ESRRG: variants seen among roughly 807,000 people sequenced by gnomAD.
ESRRG encodes estrogen related receptor gamma.
A neutral mutation model predicts 44.0 loss-of-function variants in ESRRG; 13 were observed. The observed-to-expected ratio is 0.30, with a 90% CI of 0.19 to 0.47. The LOEUF (loss-of-function observed/expected upper bound fraction) is 0.47, where lower values mean the gene tolerates loss of function less well. Among genes scored for constraint, ESRRG ranks in the 20% least tolerant of loss-of-function variants. The pLI is 1.00. For missense variants in ESRRG, 395 were observed against 580.6 expected, an observed-to-expected ratio of 0.68 and a Z score of 3.29; for synonymous variants, 215 against 214.6, an observed-to-expected ratio of 1.00 and a Z score of -0.02.
rs1471990750 is a variant in ESRRG, at chr1:216,505,246, A to G, written c.*1693T>C. The G allele has an allele frequency of 6.6e-6, 1 of 152,600 alleles. No individual in the cohort carries two copies. Among genetic ancestry groups the G allele is most frequent in the Non-Finnish European group, 1.5e-5 (1 of 68,034 alleles). 9.5% of individuals were successfully genotyped at this position (152,600 alleles called of 1,614,324 possible). The stretch of plus-strand genomic sequence containing the variant: ...ATTCAGCGACTGTAGATTTCGGGGC[A>G]TCTAATTGATTTCTTCATTAGATTA... On this transcript the variant is annotated 3_prime_UTR_variant, in exon 7 of 7. Coordinates refer to ENST00000408911, the MANE Select transcript of ESRRG (RefSeq NM_001438.4).
chr1:216,791,082 A>G (rs2148079156), intron 2 of ESRRG, among the ~76,000 whole-genome samples: 1 of 152,324 alleles, frequency 6.6e-6, no homozygotes, highest in South Asian at 2.1e-4. Flanking sequence ...TGAACTCTGT[A>G]TCACAGAGAA....
chr1:216,710,830 C>CT (rs796091320), intron 1 of ESRRG, among the ~76,000 whole-genome samples: 4 of 152,014 alleles, frequency 2.6e-5, no homozygotes, highest in African/African-American at 7.2e-5. Flanking sequence ...GGAATGATTT[C>CT]TTTTTTGATC....
At chr1:216,601,384 A>G (rs2059232909) in intron 3 of ESRRG, among the ~76,000 whole-genome samples, 1 of 152,150 alleles carries the variant, frequency 6.6e-6, no homozygotes, top group Non-Finnish European at 1.5e-5. Flanking sequence ...AGCCCGCTCC[A>G]ACGCCGCGAA....
At chr1:217,038,717 C>T (rs1382206551) in intron 1 of ESRRG, among the ~76,000 whole-genome samples, 1 of 152,226 alleles carries the variant, frequency 6.6e-6, no homozygotes, top group Non-Finnish European at 1.5e-5. Flanking sequence ...ATGAAGACCT[C>T]TGACCTGCAC....
intron 2 of ESRRG, among the ~76,000 whole-genome samples, chr1:216,824,303 G>A (rs1463134535): frequency 6.6e-6 from 1 of 152,030 alleles, no homozygotes; most frequent in Admixed American, 6.6e-5. Flanking sequence ...GACATTAGCC[G>A]GGCATGGTGG....
intron 2 of ESRRG, among the ~76,000 whole-genome samples, chr1:216,781,145 G>T (rs957331534): frequency 3.3e-5 from 5 of 151,878 alleles, no homozygotes; most frequent in Non-Finnish European, 1.5e-5. Flanking sequence ...GAAGATGATA[G>T]TATATATTAC....
chr1:216,575,087 C>T (rs935234053), intron 3 of ESRRG, among the ~76,000 whole-genome samples: 1 of 152,036 alleles, frequency 6.6e-6, no homozygotes, highest in South Asian at 2.1e-4. Context: ...TAGTGCCAGC[C>T]TCTGATGGGG....
At chr1:216,582,703 T>C (rs2063028304) in intron 3 of ESRRG, among the ~76,000 whole-genome samples, 1 of 152,214 alleles carries the variant, frequency 6.6e-6, no homozygotes, top group African/African-American at 2.4e-5. Flanking sequence ...TCCATTTTCA[T>C]TCAGATTACA....
chr1:216,947,665 A>T (rs2066271264), intron 1 of ESRRG, among the ~76,000 whole-genome samples: 1 of 152,208 alleles, frequency 6.6e-6, no homozygotes, highest in Admixed American at 6.5e-5. Flanking sequence ...CACATCACTG[A>T]AAAGCGTTTT....
intron 2 of ESRRG, among the ~76,000 whole-genome samples, chr1:216,872,949 G>A (rs2096278659): frequency 6.6e-6 from 1 of 152,026 alleles, no homozygotes; most frequent in African/African-American, 2.4e-5. Context: ...TGATACTTTT[G>A]TTTTACCAAC....
upstream of ESRRG, among the ~76,000 whole-genome samples, chr1:217,093,601 A>G (rs1386630990): frequency 6.6e-6 from 1 of 152,042 alleles, no homozygotes; most frequent in Non-Finnish European, 1.5e-5. Flanking sequence ...TAGGCAATGT[A>G]ATGAGACCCC....
rs202075595 is a variant in ESRRG at position 217,033,659 on chromosome 1, G to GTT, written c.-106+55846_-106+55847dup. ...ATGTACATTATATCTCAATAAAGCT[G>GTT]TTTTCAAAAAGCCATAGAAATCCAA... On this transcript the variant is annotated intron_variant, in intron 1 of 7. Transcript: ENST00000359162. Among the ~76,000 whole-genome samples, 1,057 of 152,182 alleles carry GTT rather than the reference G, an allele frequency of 6.9e-3. 12 individuals carry two copies. The highest frequency in any genetic ancestry group is 0.024 in the African/African-American group (1,011 of 41,520).
chr1:216,763,052 A>G (rs1013139091), intron 2 of ESRRG, among the ~76,000 whole-genome samples: 1 of 152,122 alleles, frequency 6.6e-6, no homozygotes, highest in African/African-American at 2.4e-5. Flanking sequence ...TAGGCTAAAA[A>G]ATCAACTAAA....
chr1:216,748,447 T>C (rs1282609905), intron 2 of ESRRG, among the ~76,000 whole-genome samples: 1 of 152,170 alleles, frequency 6.6e-6, no homozygotes, highest in Non-Finnish European at 1.5e-5. Flanking sequence ...TCTCCCTCTC[T>C]CTCTCTCCCT....
intron 2 of ESRRG, among the ~76,000 whole-genome samples, chr1:216,676,193 C>A (rs1223919388): frequency 1.3e-5 from 2 of 152,212 alleles, no homozygotes; most frequent in Non-Finnish European, 2.9e-5. Context: ...GAATATATAT[C>A]TATAGCTTTT....
chr1:216,960,942 C>T (rs941912945), intron 1 of ESRRG, among the ~76,000 whole-genome samples: 7 of 152,080 alleles, frequency 4.6e-5, no homozygotes, highest in Admixed American at 6.6e-5. Context: ...GATTTTAATG[C>T]TCTACTGTAT....
At chr1:217,126,003 C>T (rs76952699) in intron 1 of ESRRG, among the ~76,000 whole-genome samples, 7,134 of 152,158 alleles carry the variant, frequency 0.047, 253 homozygotes, top group Middle Eastern at 0.095. Context: ...TAACCCAGGT[C>T]ACTCTGTCAT....
chr1:216,515,717 G>C (rs1313872801), intron 6 of ESRRG, among the ~76,000 whole-genome samples: 1 of 152,092 alleles, frequency 6.6e-6, no homozygotes, highest in Admixed American at 6.6e-5. Context: ...CTTCAGGCTG[G>C]GGTGGGGTAG....
In ESRRG at chr1:216,707,568, G is replaced by C. The variant is rs557134034; in HGVS notation, c.56+15676C>G. The stretch of plus-strand genomic sequence containing the variant: ...GTAAAACTACAGCTACTTAAGTCCT[G>C]AATTTATTTTATGAAGACTGACTCC... On this transcript the variant is annotated intron_variant, in intron 1 of 6. Transcript: ENST00000408911. The C allele has an allele frequency of 8.7e-6, 12 of 1,373,812 alleles. No individual in the cohort carries two copies. In the South Asian group the frequency reaches 1.5e-4, roughly 17 times the overall value. 85.1% of individuals were successfully genotyped at this position (1,373,812 alleles called of 1,614,324 possible). A position where few individuals can be genotyped will look rare whatever the true frequency, so the allele number is the denominator to read the frequency against.
Sources: gnomAD v4.1 joint callset for allele counts (sites outside exome capture counted in the v4.1 genomes callset) on GRCh38, gnomAD v4.1.1 for gene constraint, MANE v1.5 for transcripts, NCBI Gene and HGNC (gene_info 2026-07-23, HGNC 2026-07-21) for gene names.